Variants in SPOPL observed in about 807,000 individuals in gnomAD.
SPOPL encodes speckle type BTB/POZ protein like.
SPOPL carries 23 observed loss-of-function variants against 53.8 expected under a neutral mutation model. The observed-to-expected ratio is 0.43, with a 90% CI of 0.31 to 0.61. The LOEUF (loss-of-function observed/expected upper bound fraction) is 0.61, where lower values mean the gene tolerates loss of function less well. Ranked by LOEUF, SPOPL falls within the 20% of genes least tolerant of loss-of-function variation. SPOPL has a pLI of 0.12. For missense variants in SPOPL, 442 were observed against 466.9 expected (o/e 0.95, Z 0.49); for synonymous variants, 164 against 149.7 (o/e 1.10, Z -0.70).
At position 138,563,143 on chromosome 2, in the gene SPOPL, G is replaced by A. The variant is rs79802664; in HGVS notation, c.838-1565G>A. On this transcript the variant is annotated intron_variant, in intron 8 of 10. Transcript: ENST00000280098. Reference sequence around the variant, plus strand: ...CAATGTTATTTCTAAAAGACAAAACGTTTGAGCAAACATTTTCTGAAATAA... The same window carrying A: ...CAATGTTATTTCTAAAAGACAAAACATTTGAGCAAACATTTTCTGAAATAA... Among the ~76,000 whole-genome samples the A allele has an allele frequency of 9.4e-3, 1,433 of 152,146 alleles. 25 individuals are homozygous for A. Among genetic ancestry groups the A allele is most frequent in the African/African-American group, 0.033 (1,365 of 41,520 alleles).
At chr2:138,560,770 T>A (rs374888829) in intron 7 of SPOPL, 35 bp from the exon 8 acceptor site, 126 of 1,565,296 alleles carry the variant, frequency 8.0e-5, no homozygotes, top group Middle Eastern at 7.1e-4. Flanking sequence ...TACTTTTTTT[T>A]TTTTTAACAT....
chr2:138,527,722 T>A (rs1342988742), intron 1 of SPOPL, among the ~76,000 whole-genome samples: 1 of 152,252 alleles, frequency 6.6e-6, no homozygotes, highest in African/African-American at 2.4e-5. Flanking sequence ...CAAATGTCTG[T>A]TATCCTTGGC....
intron 1 of SPOPL, among the ~76,000 whole-genome samples, chr2:138,530,763 G>A (rs189228067): frequency 7.2e-5 from 11 of 152,210 alleles, no homozygotes; most frequent in African/African-American, 2.4e-4. Flanking sequence ...ACTGTGAATA[G>A]TGACCGTTTT....
intron 1 of SPOPL, among the ~76,000 whole-genome samples, chr2:138,545,613 T>G (rs1281633840): frequency 2.7e-5 from 4 of 149,086 alleles, no homozygotes; most frequent in African/African-American, 9.9e-5. Context: ...TTTTTTTTTG[T>G]ATTTTTTAGC....
In SPOPL at chr2:138,512,526, G is replaced by A. The variant is rs1166289918; in HGVS notation, c.-61+10407G>A. On this transcript the variant is annotated intron_variant, in intron 1 of 10. Coordinates refer to ENST00000280098, the MANE Select transcript of SPOPL (RefSeq NM_001001664.3). ...CAGTGTATAGAGGAAAGATAATACC[G>A]AGACAGTTTTTGTAATAGTTTTATA... 3.9e-5 allele frequency among the ~76,000 whole-genome samples: 6 copies of A among 152,044 alleles called. No homozygotes were observed. The East Asian group carries it at 5.8e-4, about 15-fold the overall frequency.
At chr2:138,555,654 A>C (rs1219694231) in intron 5 of SPOPL, among the ~76,000 whole-genome samples, 1 of 152,236 alleles carries the variant, frequency 6.6e-6, no homozygotes, top group Non-Finnish European at 1.5e-5. Context: ...TTTTAGAATT[A>C]GTTGGAAAAT....
chr2:138,512,097 T>C (rs770976583), intron 1 of SPOPL, among the ~76,000 whole-genome samples: 1 of 152,206 alleles, frequency 6.6e-6, no homozygotes, highest in Non-Finnish European at 1.5e-5. Context: ...TCTAAGTAGA[T>C]GCTTGCTTAA....
At chr2:138,523,506 A>G (rs1684602348) in intron 1 of SPOPL, among the ~76,000 whole-genome samples, 1 of 152,138 alleles carries the variant, frequency 6.6e-6, no homozygotes, top group Non-Finnish European at 1.5e-5. Flanking sequence ...GTTAACCCCC[A>G]AAGTCTCAAC....
intron 1 of SPOPL, among the ~76,000 whole-genome samples, chr2:138,535,932 T>C (rs1346223663): frequency 6.6e-6 from 1 of 152,206 alleles, no homozygotes; most frequent in Non-Finnish European, 1.5e-5. Context: ...TGAATTTTCA[T>C]TTCAGTTATA....
At chr2:138,510,689 A>G (rs1684307353) in intron 1 of SPOPL, among the ~76,000 whole-genome samples, 2 of 152,166 alleles carry the variant, frequency 1.3e-5, no homozygotes, top group African/African-American at 4.8e-5. Context: ...CCTTCACATT[A>G]AAGTATAATT....
chr2:138,510,222 C>G (rs981955824), intron 1 of SPOPL, among the ~76,000 whole-genome samples: 1 of 152,204 alleles, frequency 6.6e-6, no homozygotes, highest in African/African-American at 2.4e-5. Flanking sequence ...GTTTTCAGCT[C>G]TTGGTAAATA....
Position 138,535,555 on chromosome 2 carries a change from CTT to C in SPOPL, c.-60-14585_-60-14584del, listed in dbSNP as rs539254466. 9.5e-3 allele frequency among the ~76,000 whole-genome samples: 825 copies of C among 86,918 alleles called. 7 individuals are homozygous for C. Among genetic ancestry groups the C allele is most frequent in the African/African-American group, 0.036 (766 of 21,408 alleles). The allele number at this position is 86,918 out of a possible 152,430, so 57.0% of individuals were successfully genotyped here. A position where few individuals can be genotyped will look rare whatever the true frequency, so the allele number is the denominator to read the frequency against. On this transcript the variant is annotated intron_variant, in intron 1 of 10. Coordinates refer to ENST00000280098, the MANE Select transcript of SPOPL (RefSeq NM_001001664.3). ...TTTTTTTTAATAGCCATTCTAGTAG[CTT>C]TTTTTTTTTTTTTTTTGGTCTTTTT... is the stretch of plus-strand genomic sequence containing the variant.
chr2:138,550,115 T>G, intron 1 of SPOPL, 42 bp from the exon 2 acceptor site: 1 of 995,600 alleles, frequency 1.0e-6, no homozygotes. Flanking sequence ...ATTCTGTCGT[T>G]TAAACTTTTT....
In SPOPL at chr2:138,570,331, G is replaced by A. The variant is rs996859910; in HGVS notation, c.*1251G>A. On this transcript the variant is annotated 3_prime_UTR_variant, in exon 11 of 11. Transcript: ENST00000280098. The stretch of plus-strand genomic sequence containing the variant: ...GTGTTTCAGTTACTGTACTAACATT[G>A]TGGATGATACTGAAATTCTGCATAA... 1.3e-5 allele frequency: 2 copies of A among 152,146 alleles called. No individual in the cohort carries two copies. The highest frequency in any genetic ancestry group is 2.9e-5 in the Non-Finnish European group (2 of 68,030). The allele number at this position is 152,146 out of a possible 1,614,324, so 9.4% of individuals were successfully genotyped here.
chr2:138,531,013 G>A (rs1463827277), intron 1 of SPOPL, among the ~76,000 whole-genome samples: 4 of 151,250 alleles, frequency 2.6e-5, no homozygotes, highest in Non-Finnish European at 1.5e-5. Flanking sequence ...ATCTTGAATG[G>A]GTACTGAATT....
intron 1 of SPOPL, among the ~76,000 whole-genome samples, chr2:138,548,185 G>A (rs1441545282): frequency 6.6e-6 from 1 of 151,372 alleles, no homozygotes; most frequent in Non-Finnish European, 1.5e-5. Context: ...AGTGCAATAG[G>A]TAGAAAACGT....
intron 1 of SPOPL, among the ~76,000 whole-genome samples, chr2:138,548,333 G>T (rs1054509262): frequency 6.9e-6 from 1 of 145,384 alleles, no homozygotes; most frequent in African/African-American, 2.6e-5. Context: ...TGAAATCAAT[G>T]CAAGTTGCCA....
chr2:138,509,543 AAT>A (rs2104854814), intron 1 of SPOPL, among the ~76,000 whole-genome samples: 2 of 152,280 alleles, frequency 1.3e-5, no homozygotes, highest in Admixed American at 1.3e-4. Flanking sequence ...TCTTGTGTAA[AAT>A]AGATTTGTAT....
chr2:138,544,726 GCTGCACCCACTGTC>G (rs911359141), intron 1 of SPOPL, among the ~76,000 whole-genome samples: 1 of 152,284 alleles, frequency 6.6e-6, no homozygotes, highest in Admixed American at 6.5e-5. Context: ...TGCTCGGTGC[GCTGCACCCACTGTC>G]CTGCACCCAC....
Sources: gnomAD v4.1 joint callset for allele counts (sites outside exome capture counted in the v4.1 genomes callset) on GRCh38, gnomAD v4.1.1 for gene constraint, MANE v1.5 for transcripts, NCBI Gene and HGNC (gene_info 2026-07-23, HGNC 2026-07-21) for gene names.